CDYL2: variants seen among roughly 807,000 people sequenced by gnomAD.
The protein encoded by CDYL2 is chromodomain Y-like protein 2.
CDYL2 carries 23 observed loss-of-function variants against 49.4 expected under a neutral mutation model. The observed-to-expected ratio is 0.47, with a 90% confidence interval of 0.34 to 0.66. The LOEUF (loss-of-function observed/expected upper bound fraction) is 0.66. Ranked by LOEUF, CDYL2 falls within the 30% of genes least tolerant of loss-of-function variation. The probability of loss-of-function intolerance (pLI) is 0.01; values close to 1 mark genes in which losing one functional copy is unlikely to be tolerated. For missense variants in CDYL2, 678 were observed against 656.4 expected, an observed-to-expected ratio of 1.03 and a Z score of -0.36; for synonymous variants, 360 against 268.8, an observed-to-expected ratio of 1.34 and a Z score of -3.32.
In CDYL2 at chr16:80,651,338, C is replaced by T. The variant is rs544240586; in HGVS notation, c.617-18102G>A. Reference sequence around the variant, plus strand: ...ATGCGTATTACTAAGTTAGGGAAGCCAGTCTGAAAAATCTATATATGATAC... The same window carrying T: ...ATGCGTATTACTAAGTTAGGGAAGCTAGTCTGAAAAATCTATATATGATAC... On this transcript the variant is annotated intron_variant, in intron 2 of 6. Coordinates refer to ENST00000570137, the MANE Select transcript of CDYL2 (RefSeq NM_152342.4). 5.3e-5 allele frequency among the ~76,000 whole-genome samples: 8 copies of T among 152,166 alleles called. No individual in the cohort carries two copies. In the South Asian group the frequency reaches 1.7e-3, roughly 32 times the overall value.
intron 2 of CDYL2, among the ~76,000 whole-genome samples, chr16:80,672,388 C>T (rs1230770518): frequency 2.7e-5 from 4 of 147,492 alleles, no homozygotes; most frequent in Non-Finnish European, 6.0e-5. Flanking sequence ...ACAGGCTTTC[C>T]CTTTGTGTGT....
chr16:80,684,087 A>C (rs898890930), intron 2 of CDYL2, among the ~76,000 whole-genome samples: 1 of 152,076 alleles, frequency 6.6e-6, no homozygotes, highest in South Asian at 2.1e-4. Context: ...ACGGACCCCA[A>C]CCCAGACCCT....
Position 80,766,795 on chromosome 16 carries a change from G to C in CDYL2, c.24+37355C>G, listed in dbSNP as rs116304578. Among the ~76,000 whole-genome samples the C allele has an allele frequency of 4.2e-3, 639 of 152,276 alleles. 2 individuals carry two copies. Among genetic ancestry groups the C allele is most frequent in the African/African-American group, 0.015 (617 of 41,550 alleles). On this transcript the variant is annotated intron_variant, in intron 1 of 6. Transcript: ENST00000570137. ...GTGTAAAAAGCAACATCACAAAATG[G>C]AGAGTAGCATTTAAAAGGAAGAAAG... is the stretch of plus-strand genomic sequence containing the variant.
chr16:80,792,813 G>C (rs1907652031), intron 1 of CDYL2, among the ~76,000 whole-genome samples: 1 of 152,104 alleles, frequency 6.6e-6, no homozygotes, highest in Admixed American at 6.5e-5. Flanking sequence ...TCCCTCAAAG[G>C]GAACTGCCCT....
chr16:80,706,591 C>T (rs1309846656), intron 1 of CDYL2, among the ~76,000 whole-genome samples: 8 of 152,188 alleles, frequency 5.3e-5, no homozygotes, highest in African/African-American at 1.9e-4. Context: ...GAGTTGCCAC[C>T]AAGCCGCTAG....
rs144611079 is a variant in CDYL2, at chr16:80,621,972, A to G, written c.835-1037T>C. 2.5e-3 allele frequency among the ~76,000 whole-genome samples: 374 copies of G among 152,264 alleles called. 2 individuals are homozygous for G. Among genetic ancestry groups the G allele is most frequent in the Middle Eastern group, 6.8e-3 (2 of 294 alleles). On this transcript the variant is annotated intron_variant, in intron 3 of 6. Coordinates refer to ENST00000570137, the MANE Select transcript of CDYL2 (RefSeq NM_152342.4). Reference sequence around the variant, plus strand: ...TGCTACATGGGTTCCAGCCTCCCCAACACCAGTGAGTGGTCACTATTCTTA... The same window carrying G: ...TGCTACATGGGTTCCAGCCTCCCCAGCACCAGTGAGTGGTCACTATTCTTA...
intron 1 of CDYL2, among the ~76,000 whole-genome samples, chr16:80,732,723 C>T (rs1235648009): frequency 6.6e-6 from 1 of 152,144 alleles, no homozygotes; most frequent in Non-Finnish European, 1.5e-5. Flanking sequence ...AGAATCCGGG[C>T]ATTACATGAG....
intron 2 of CDYL2, among the ~76,000 whole-genome samples, chr16:80,643,433 G>A (rs916577275): frequency 3.3e-5 from 5 of 152,220 alleles, no homozygotes; most frequent in Non-Finnish European, 5.9e-5. Context: ...TCTGGAGGAC[G>A]GTGGCCCTTT....
intron 5 of CDYL2, among the ~76,000 whole-genome samples, chr16:80,610,754 C>G (rs72487971): frequency 0.058 from 8,838 of 152,208 alleles, 818 homozygotes; most frequent in African/African-American, 0.2. Context: ...GGGCCGGGAG[C>G]CAGCACTCGG....
intron 3 of CDYL2, among the ~76,000 whole-genome samples, chr16:80,623,423 G>T (rs367877138): frequency 6.6e-6 from 1 of 151,300 alleles, no homozygotes; most frequent in Non-Finnish European, 1.5e-5. Context: ...AGATGTCCCC[G>T]TTTATATACT....
At chr16:80,764,136 A>G (rs947368010) in intron 1 of CDYL2, among the ~76,000 whole-genome samples, 7 of 152,230 alleles carry the variant, frequency 4.6e-5, no homozygotes, top group African/African-American at 1.7e-4. Context: ...AGCATTTGAT[A>G]AAAAGCAGAT....
At chr16:80,748,407 G>C (rs984177228) in intron 1 of CDYL2, among the ~76,000 whole-genome samples, 4 of 144,546 alleles carry the variant, frequency 2.8e-5, no homozygotes, top group African/African-American at 1.0e-4. Context: ...GGCGCCTGTA[G>C]TACCAGCTAC....
At chr16:80,686,326 C>T (rs531986475) in intron 1 of CDYL2, among the ~76,000 whole-genome samples, 84 of 152,290 alleles carry the variant, frequency 5.5e-4, no homozygotes, top group Non-Finnish European at 9.6e-4. Context: ...AGACTTGAAA[C>T]TTTTTCAATT....
intron 2 of CDYL2, among the ~76,000 whole-genome samples, chr16:80,680,545 A>G (rs1313335951): frequency 6.6e-6 from 1 of 152,174 alleles, no homozygotes; most frequent in African/African-American, 2.4e-5. Flanking sequence ...ACCAAGGCAG[A>G]ACCACAGCAA....
At chr16:80,664,803 G>A (rs962068235) in intron 2 of CDYL2, among the ~76,000 whole-genome samples, 2 of 152,084 alleles carry the variant, frequency 1.3e-5, no homozygotes, top group Admixed American at 1.3e-4. Context: ...TATTTCACCT[G>A]CATATACCTC....
intron 1 of CDYL2, among the ~76,000 whole-genome samples, chr16:80,771,998 A>T (rs1251421298): frequency 1.3e-5 from 2 of 152,206 alleles, no homozygotes; most frequent in African/African-American, 4.8e-5. Flanking sequence ...GAAATGGCTG[A>T]GCATTCCCCT....
intron 1 of CDYL2, among the ~76,000 whole-genome samples, chr16:80,725,220 A>T (rs1374769582): frequency 6.6e-6 from 1 of 151,908 alleles, no homozygotes; most frequent in East Asian, 1.9e-4. Context: ...ACACACACAC[A>T]CTTTGCCTCA....
intron 1 of CDYL2, among the ~76,000 whole-genome samples, chr16:80,686,032 C>T (rs1326285224): frequency 6.6e-6 from 1 of 152,180 alleles, no homozygotes; most frequent in Admixed American, 6.5e-5. Context: ...TGGGTGTACA[C>T]CACTATTATT....
intron 2 of CDYL2, among the ~76,000 whole-genome samples, chr16:80,635,077 C>A (rs929650190): frequency 1.4e-4 from 21 of 152,266 alleles, no homozygotes; most frequent in African/African-American, 5.1e-4. Flanking sequence ...AAATAATCTT[C>A]AGCAAAATAT....
Sources: allele counts gnomAD v4.1 joint callset (sites outside exome capture counted in the v4.1 genomes callset), GRCh38; gene constraint gnomAD v4.1.1; transcripts MANE v1.5; gene names NCBI Gene and HGNC (gene_info 2026-07-23, HGNC 2026-07-21).